CTNNA3: variants seen among roughly 807,000 people sequenced by gnomAD.
CTNNA3 encodes the protein catenin alpha-3.
CTNNA3 carries 76 observed loss-of-function variants against 95.7 expected under a neutral mutation model. The observed-to-expected ratio is 0.79, with a 90% CI of 0.66 to 0.96. The LOEUF (loss-of-function observed/expected upper bound fraction) is 0.96, where lower values mean the gene tolerates loss of function less well. Ranked by LOEUF, CTNNA3 falls within the 40% of genes least tolerant of loss-of-function variation. The pLI is 0.00. For synonymous variants in CTNNA3, 431 were observed against 374.4 expected (o/e 1.15, Z -1.74); for missense variants, 1,191 against 1,089.8 (o/e 1.09, Z -1.31).
chr10:66,502,984 G>A (rs901716853), intron 11 of CTNNA3, among the ~76,000 whole-genome samples: 3 of 151,972 alleles, frequency 2.0e-5, no homozygotes, highest in Admixed American at 6.6e-5. Flanking sequence ...ATGCACCCTA[G>A]CTCTTAAGAT....
At chr10:66,994,495 C>T (rs1197630465) in intron 7 of CTNNA3, among the ~76,000 whole-genome samples, 2 of 152,180 alleles carry the variant, frequency 1.3e-5, no homozygotes, top group East Asian at 3.8e-4. Flanking sequence ...AGTTTTGCAT[C>T]ATGCTGAACT....
intron 9 of CTNNA3, among the ~76,000 whole-genome samples, chr10:66,740,454 CA>C (rs1319889938): frequency 1.4e-4 from 21 of 152,288 alleles, no homozygotes; most frequent in Admixed American, 1.1e-3. Flanking sequence ...CTGTAATATT[CA>C]ATTTTGTCAA....
intron 13 of CTNNA3, among the ~76,000 whole-genome samples, chr10:66,249,657 G>A (rs1282683585): frequency 2.6e-5 from 4 of 152,128 alleles, no homozygotes; most frequent in Admixed American, 6.5e-5. Flanking sequence ...GTGGAGAAAA[G>A]GGAACTTTTG....
At position 67,639,121 on chromosome 10, in the gene CTNNA3, T is replaced by C. The variant is rs535167441; in HGVS notation, c.99+8294A>G. Among the ~76,000 whole-genome samples the C allele has an allele frequency of 4.0e-5, 6 of 151,756 alleles. 1 individual carries two copies. The South Asian group carries it at 1.3e-3, about 32-fold the overall frequency. ...ATTAATAGACTGCTAGCAAGACTAA[T>C]AAAGAAGAAAAAGAAGAATCAAATA... On this transcript the variant is annotated intron_variant, in intron 2 of 17. Transcript: ENST00000433211.
chr10:65,961,930 A>G (rs1412523425), intron 17 of CTNNA3, among the ~76,000 whole-genome samples: 1 of 152,062 alleles, frequency 6.6e-6, no homozygotes, highest in African/African-American at 2.4e-5. Flanking sequence ...GGAAGCCAAG[A>G]AAAGTGAAGC....
chr10:66,396,553 A>C (rs990927354), intron 11 of CTNNA3, among the ~76,000 whole-genome samples: 3 of 152,056 alleles, frequency 2.0e-5, no homozygotes, highest in African/African-American at 7.2e-5. Flanking sequence ...AAATGAACTC[A>C]GTTTACAGCA....
At chr10:67,093,610 C>T (rs1482982857) in intron 7 of CTNNA3, among the ~76,000 whole-genome samples, 1 of 151,722 alleles carries the variant, frequency 6.6e-6, no homozygotes, top group African/African-American at 2.4e-5. Flanking sequence ...CTCTCCATTA[C>T]TACCCAGCGA....
At chr10:67,378,780 G>A (rs750154176) in intron 5 of CTNNA3, among the ~76,000 whole-genome samples, 6 of 151,984 alleles carry the variant, frequency 3.9e-5, no homozygotes, top group Non-Finnish European at 7.4e-5. Context: ...ATACACAATG[G>A]TGTATATATA....
chr10:67,429,901 T>A lies in CTNNA3; in HGVS notation c.579+91941A>T, dbSNP rs1357149844. On this transcript the variant is annotated intron_variant, in intron 5 of 17. Transcript: ENST00000433211. ...GCACTTAAAAGAGAAACAAAAAAAG[T>A]GTGCTGAGAAAAAAAGATCTCTGTC... Among the ~76,000 whole-genome samples, 4 of 152,010 alleles carry A rather than the reference T, an allele frequency of 2.6e-5. No individual in the cohort carries two copies. The East Asian group carries it at 7.8e-4, about 30-fold the overall frequency.
At chr10:67,589,203 T>C (rs1842723807) in intron 3 of CTNNA3, among the ~76,000 whole-genome samples, 1 of 152,154 alleles carries the variant, frequency 6.6e-6, no homozygotes, top group South Asian at 2.1e-4. Flanking sequence ...TTGGAAACGC[T>C]ATTTGATTGC....
intron 15 of CTNNA3, among the ~76,000 whole-genome samples, chr10:66,012,357 T>G (rs1483664110): frequency 6.6e-6 from 1 of 152,034 alleles, no homozygotes; most frequent in Non-Finnish European, 1.5e-5. Context: ...AAGCTTGGAA[T>G]TGAAAGAAGA....
At chr10:66,070,394 T>A (rs539119812) in intron 14 of CTNNA3, among the ~76,000 whole-genome samples, 1 of 152,200 alleles carries the variant, frequency 6.6e-6, no homozygotes, top group Admixed American at 6.5e-5. Flanking sequence ...CGAATAGAAA[T>A]GGGTTTTCTC....
intron 7 of CTNNA3, among the ~76,000 whole-genome samples, chr10:67,016,233 C>T (rs1442468248): frequency 6.6e-6 from 1 of 152,142 alleles, no homozygotes; most frequent in Non-Finnish European, 1.5e-5. Flanking sequence ...CCAAGTAGTA[C>T]AATGGGGAGG....
At chr10:66,459,614 G>A (rs1412617009) in intron 11 of CTNNA3, among the ~76,000 whole-genome samples, 1 of 152,106 alleles carries the variant, frequency 6.6e-6, no homozygotes, top group Non-Finnish European at 1.5e-5. Context: ...TATGTTGTTA[G>A]GTGATTTTGT....
chr10:67,237,122 GTATGTA>G (rs1410287869), intron 5 of CTNNA3, among the ~76,000 whole-genome samples: 3,066 of 79,400 alleles, frequency 0.039, 474 homozygotes, highest in East Asian at 0.13. Flanking sequence ...AAACTATGGT[GTATGTA>G]TATATATATA....
At chr10:66,707,399 A>T (rs184752769) in intron 9 of CTNNA3, among the ~76,000 whole-genome samples, 1 of 149,588 alleles carries the variant, frequency 6.7e-6, no homozygotes, top group Admixed American at 6.7e-5. Context: ...TTACATTTTA[A>T]TTTTTTTTTT....
intron 7 of CTNNA3, among the ~76,000 whole-genome samples, chr10:66,845,706 A>AT (rs1843226760): frequency 2.2e-5 from 2 of 91,852 alleles, no homozygotes; most frequent in African/African-American, 1.3e-4. Flanking sequence ...TCTGTCTCAA[A>AT]AAAAAAAAAA....
At chr10:67,722,665 T>A (rs1011500240) in intron 1 of CTNNA3, among the ~76,000 whole-genome samples, 1 of 152,182 alleles carries the variant, frequency 6.6e-6, no homozygotes, top group African/African-American at 2.4e-5. Context: ...AGAAATGCTA[T>A]CTGAAAGAAA....
intron 12 of CTNNA3, among the ~76,000 whole-genome samples, chr10:66,327,188 G>C (rs2092264401): frequency 6.6e-6 from 1 of 152,012 alleles, no homozygotes; most frequent in African/African-American, 2.4e-5. Flanking sequence ...CACTAAATTT[G>C]ATTGCAAAGT....
Sources: allele counts gnomAD v4.1 joint callset (sites outside exome capture counted in the v4.1 genomes callset), GRCh38; gene constraint gnomAD v4.1.1; transcripts MANE v1.5; gene names NCBI Gene and HGNC (gene_info 2026-07-23, HGNC 2026-07-21).